The following ZNF609 variants were observed in gnomAD, a reference collection of about 807,000 sequenced individuals.
ZNF609 encodes zinc finger protein 609.
Under a neutral mutation model 109.5 loss-of-function variants are expected in ZNF609, and 11 were observed. That is an observed-to-expected ratio of 0.10 (90% CI 0.06 to 0.17). ZNF609 has a LOEUF of 0.17. Among genes scored for constraint, ZNF609 ranks in the 10% least tolerant of loss-of-function variants. The probability of loss-of-function intolerance (pLI) is 1.00; values close to 1 mark genes in which losing one functional copy is unlikely to be tolerated. For synonymous variants in ZNF609, 646 were observed against 662.0 expected (o/e 0.98, Z 0.37); for missense variants, 1,559 against 1,772.4 (o/e 0.88, Z 2.16).
At chr15:64,631,326 A>C (rs970363355) in intron 3 of ZNF609, 16 of 701,542 alleles carry the variant, frequency 2.3e-5, no homozygotes, top group Admixed American at 2.1e-4. Flanking sequence ...GAATACACAC[A>C]TTAATTCTCT....
At chr15:64,546,226 A>G (rs141487286) in intron 2 of ZNF609, among the ~76,000 whole-genome samples, 1 of 152,206 alleles carries the variant, frequency 6.6e-6, no homozygotes, top group Non-Finnish European at 1.5e-5. Context: ...GAAGGAGTAC[A>G]TCTCTCATTG....
rs145767206 is a variant in ZNF609, at chr15:64,490,563, C to T, written c.-127-8730C>T. 8.5e-5 allele frequency among the ~76,000 whole-genome samples: 13 copies of T among 152,278 alleles called. No individual in the cohort carries two copies. The East Asian group carries it at 1.7e-3, about 20-fold the overall frequency. ...TGCTGGGATTACAGGCATGAGCCAC[C>T]GTGCCCAGCCCCCAGCTAGTAGTTT... On this transcript the variant is annotated intron_variant, in intron 1 of 9. Coordinates refer to ENST00000326648, the MANE Select transcript of ZNF609 (RefSeq NM_015042.2).
chr15:64,536,454 A>C (rs1567007954), intron 2 of ZNF609, among the ~76,000 whole-genome samples: 1 of 152,164 alleles, frequency 6.6e-6, no homozygotes, highest in Non-Finnish European at 1.5e-5. Flanking sequence ...CTTTTGCTTG[A>C]ATCAACTAGG....
chr15:64,651,642 A>G (rs945484354), intron 3 of ZNF609, among the ~76,000 whole-genome samples: 1 of 152,238 alleles, frequency 6.6e-6, no homozygotes, highest in African/African-American at 2.4e-5. Context: ...TTCCCCAGCC[A>G]GTTCATCACA....
intron 3 of ZNF609, among the ~76,000 whole-genome samples, chr15:64,645,570 T>A (rs1896323840): frequency 6.6e-6 from 1 of 152,106 alleles, no homozygotes; most frequent in Non-Finnish European, 1.5e-5. Flanking sequence ...ATAACTTTTG[T>A]TTATCAAAGG....
chr15:64,579,646 GTC>G (rs959822357), intron 2 of ZNF609, among the ~76,000 whole-genome samples: 16 of 151,822 alleles, frequency 1.1e-4, no homozygotes, highest in African/African-American at 3.4e-4. Context: ...GGAGGCAGAG[GTC>G]GCAGTGAGCT....
At chr15:64,509,256 A>C (rs924104561) in intron 2 of ZNF609, among the ~76,000 whole-genome samples, 6 of 152,224 alleles carry the variant, frequency 3.9e-5, no homozygotes, top group African/African-American at 1.2e-4. Flanking sequence ...TCAGAGCAGA[A>C]GAGCAGAAAA....
Position 64,675,032 on chromosome 15 carries a change from C to A in ZNF609, c.2178C>A (p.Asp726Glu). The A allele has an allele frequency of 6.2e-7, 1 of 1,613,652 alleles. No homozygotes were observed. Among genetic ancestry groups the A allele is most frequent in the Non-Finnish European group, 8.5e-7 (1 of 1,179,946 alleles). The change falls in exon 5 of 10, where the codon GAC becomes GAA. Residue 726 changes from aspartate (D) to glutamate (E), a missense_variant. Around this residue, in one of 4 missense-constraint regions of ZNF609, gnomAD observed 1,204 missense variants for 1,314.1 expected, o/e 0.92. Coordinates refer to ENST00000326648, the MANE Select transcript of ZNF609 (RefSeq NM_015042.2). ...ACCCTGCCTTGACTCCAGCCAAGGACAAGAAAAAGAAAGACAAAAAAAAGA... is the reference window on the plus strand; with the variant it reads ...ACCCTGCCTTGACTCCAGCCAAGGAAAAGAAAAAGAAAGACAAAAAAAAGA... ...TVNPALTPAK[D>E]KKKKDKKKKE...
At chr15:64,505,922 CT>C (rs1488197128) in intron 2 of ZNF609, among the ~76,000 whole-genome samples, 1 of 152,058 alleles carries the variant, frequency 6.6e-6, no homozygotes, top group Non-Finnish European at 1.5e-5. Context: ...CAGTAGTGAG[CT>C]GTGATCGCAC....
At chr15:64,569,195 G>C (rs997114186) in intron 2 of ZNF609, among the ~76,000 whole-genome samples, 1 of 152,148 alleles carries the variant, frequency 6.6e-6, no homozygotes, top group Non-Finnish European at 1.5e-5. Context: ...TTCCTGGATA[G>C]TCCATATCAT....
chr15:64,477,858 G>A (rs2140334965), intron 1 of ZNF609, among the ~76,000 whole-genome samples: 1 of 151,950 alleles, frequency 6.6e-6, no homozygotes, highest in East Asian at 1.9e-4. Flanking sequence ...TGGAACTCCT[G>A]ACATCAGGTG....
chr15:64,521,724 T>C (rs1175615526), intron 2 of ZNF609, among the ~76,000 whole-genome samples: 3 of 152,208 alleles, frequency 2.0e-5, no homozygotes, highest in Non-Finnish European at 4.4e-5. Context: ...TGTGGTTTTT[T>C]AAAATGGACA....
chr15:64,543,671 T>TGACCTTGAGTGATCC (rs1894309681), intron 2 of ZNF609, among the ~76,000 whole-genome samples: 1 of 152,160 alleles, frequency 6.6e-6, no homozygotes, highest in African/African-American at 2.4e-5. Context: ...CTTGAACTCC[T>TGACCTTGAGTGATCC]GACCTTGAGT....
intron 2 of ZNF609, among the ~76,000 whole-genome samples, chr15:64,611,371 G>A (rs1195877002): frequency 6.6e-6 from 1 of 152,170 alleles, no homozygotes; most frequent in Admixed American, 6.5e-5. Context: ...GAAGAGCAAT[G>A]GAGATGCTTC....
At chr15:64,636,862 C>T (rs546935455) in intron 3 of ZNF609, among the ~76,000 whole-genome samples, 1 of 152,276 alleles carries the variant, frequency 6.6e-6, no homozygotes, top group Non-Finnish European at 1.5e-5. Flanking sequence ...AGCCACTTGT[C>T]TACAGGAGTC....
At chr15:64,534,968 G>A (rs1411928949) in intron 2 of ZNF609, among the ~76,000 whole-genome samples, 2 of 151,938 alleles carry the variant, frequency 1.3e-5, no homozygotes, top group Admixed American at 6.6e-5. Context: ...GGGAGGCAGA[G>A]GTTGCAGTGA....
chr15:64,530,691 G>A (rs1370551937), intron 2 of ZNF609, among the ~76,000 whole-genome samples: 1 of 152,156 alleles, frequency 6.6e-6, no homozygotes, highest in Non-Finnish European at 1.5e-5. Context: ...ATAAACAGTT[G>A]TTGAGTTTGA....
chr15:64,674,026 A>G lies in ZNF609; in HGVS notation c.1172A>G (p.Asp391Gly). Residue 391 changes from aspartate (D) to glycine (G), a missense_variant, in exon 5 of 10, where the codon GAC becomes GGC. By Grantham distance (94) the Asp-to-Gly change is moderately conservative. Around this residue, in one of 4 missense-constraint regions of ZNF609, gnomAD observed 1,204 missense variants for 1,314.1 expected, o/e 0.92. Transcript: ENST00000326648. ...TPVNETATAS[D>G]SKGTSNSSKT... ...GTCAATGAGACAGCCACAGCCTCTG[A>G]CAGCAAAGGGACCAGTAACAGCAGC... 1 of 1,614,190 alleles carries G rather than the reference A, an allele frequency of 6.2e-7. No individual in the cohort carries two copies. The highest frequency in any genetic ancestry group is 8.5e-7 in the Non-Finnish European group (1 of 1,180,040).
At chr15:64,472,819 C>G (rs1232781872) in intron 1 of ZNF609, among the ~76,000 whole-genome samples, 1 of 152,062 alleles carries the variant, frequency 6.6e-6, no homozygotes, top group East Asian at 1.9e-4. Context: ...TTTACTCCAG[C>G]CTGGGCAGCA....
Sources: gnomAD v4.1 joint callset for allele counts (sites outside exome capture counted in the v4.1 genomes callset) on GRCh38, gnomAD v4.1.1 for gene constraint, gnomAD v4.1.1 regional missense constraint, MANE v1.5 for transcripts, NCBI Gene and HGNC (gene_info 2026-07-23, HGNC 2026-07-21) for gene names.